Variants in TENM1 observed in about 807,000 individuals in gnomAD.
TENM1 encodes teneurin transmembrane protein 1.
TENM1 carries 35 observed loss-of-function variants against 174.8 expected under a neutral mutation model. That is an observed-to-expected ratio of 0.20 (90% CI 0.15 to 0.27). The LOEUF is 0.27. Among genes scored for constraint, TENM1 ranks in the 10% least tolerant of loss-of-function variants. The pLI is 1.00. For missense variants in TENM1, 1,633 were observed against 2,130.1 expected, an observed-to-expected ratio of 0.77 and a Z score of 4.59; for synonymous variants, 781 against 798.7, an observed-to-expected ratio of 0.98 and a Z score of 0.37.
At chrX:125,197,976 A>C in the TENM1 span, among the ~76,000 whole-genome samples, 1 of 112,120 alleles carries the variant, frequency 8.9e-6, no homozygotes, top group Non-Finnish European at 1.9e-5. Flanking sequence ...CCGGTATTGC[A>C]AAAGACTTGA....
intron 22 of TENM1, among the ~76,000 whole-genome samples, chrX:124,470,725 G>A (rs1329414433): frequency 7.3e-5 from 8 of 110,145 alleles, no homozygotes; most frequent in Admixed American, 4.9e-4. Flanking sequence ...CTTGACTTAC[G>A]GTATTGCCCC....
At chrX:125,047,642 T>C in the TENM1 span, among the ~76,000 whole-genome samples, 1 of 111,475 alleles carries the variant, frequency 9.0e-6, no homozygotes, top group Admixed American at 9.6e-5. Flanking sequence ...AAATTTTTTC[T>C]ACTCATTTTG....
At chrX:124,857,895 A>C (rs2056843522) in intron 3 of TENM1, among the ~76,000 whole-genome samples, 1 of 111,250 alleles carries the variant, frequency 9.0e-6, no homozygotes, top group African/African-American at 3.3e-5. Context: ...ATATAGAAGA[A>C]AATAAAGAAA....
chrX:125,185,950 T>A, the TENM1 span, among the ~76,000 whole-genome samples: 1 of 111,777 alleles, frequency 8.9e-6, no homozygotes, highest in Non-Finnish European at 1.9e-5. Context: ...AATTTCTTAA[T>A]TATAGAAGAG....
In TENM1 at chrX:124,830,043, G is replaced by A. The variant is rs112558968; in HGVS notation, c.535+64253C>T. Among the ~76,000 whole-genome samples, 520 of 111,862 alleles carry A rather than the reference G, an allele frequency of 4.6e-3. 3 individuals carry two copies. Among genetic ancestry groups the A allele is most frequent in the African/African-American group, 0.016 (487 of 30,800 alleles). ...CCCGGCTTAGTGTAAACTAAGAGTG[G>A]GCATGGGGAAATATAACATCTCCCA... On this transcript the variant is annotated intron_variant, in intron 3 of 31. Transcript: ENST00000422452.
chrX:124,465,542 G>T (rs943554726), intron 22 of TENM1, among the ~76,000 whole-genome samples: 22 of 111,686 alleles, frequency 2.0e-4, no homozygotes, highest in African/African-American at 7.2e-4. Flanking sequence ...CTGAGCCACC[G>T]TGCCCCATCT....
chrX:125,135,521 T>C, the TENM1 span, among the ~76,000 whole-genome samples: 1 of 112,071 alleles, frequency 8.9e-6, no homozygotes, highest in African/African-American at 3.2e-5. Flanking sequence ...TGAATATCAC[T>C]TTTACCGACA....
chrX:125,097,123 A>T, the TENM1 span, among the ~76,000 whole-genome samples: 20 of 111,165 alleles, frequency 1.8e-4, no homozygotes, highest in Non-Finnish European at 3.6e-4. Context: ...CCCTACCCTC[A>T]TGTTAGAAGG....
the TENM1 span, among the ~76,000 whole-genome samples, chrX:125,195,313 C>T: frequency 6.3e-5 from 7 of 111,780 alleles, no homozygotes; most frequent in Non-Finnish European, 9.4e-5. Context: ...TGCTAAATAT[C>T]TGGGACCAGT....
chrX:124,455,684 T>A (rs1228452376), intron 22 of TENM1, among the ~76,000 whole-genome samples: 1 of 111,298 alleles, frequency 9.0e-6, no homozygotes, highest in Non-Finnish European at 1.9e-5. Flanking sequence ...AATGTCACCA[T>A]GCTAGGCTCT....
At chrX:124,413,939 G>A (rs2060565086) in intron 25 of TENM1, among the ~76,000 whole-genome samples, 3 of 111,960 alleles carry the variant, frequency 2.7e-5, no homozygotes, top group Admixed American at 1.9e-4. Flanking sequence ...CAGAGACATG[G>A]CTTGTTTATC....
At chrX:124,751,001 AT>A (rs1383198665) in intron 3 of TENM1, among the ~76,000 whole-genome samples, 3 of 112,294 alleles carry the variant, frequency 2.7e-5, no homozygotes, top group African/African-American at 9.7e-5. Context: ...AGTAGCAAAT[AT>A]CTTCATTTCA....
chrX:124,826,822 T>C (rs1347783640), intron 3 of TENM1, among the ~76,000 whole-genome samples: 1 of 111,858 alleles, frequency 8.9e-6, no homozygotes, highest in Non-Finnish European at 1.9e-5. Context: ...TGACTTGACA[T>C]CAACAGTTTA....
At chrX:124,476,602 T>C (rs1363198034) in intron 22 of TENM1, among the ~76,000 whole-genome samples, 3 of 111,708 alleles carry the variant, frequency 2.7e-5, no homozygotes, top group Non-Finnish European at 5.6e-5. Context: ...GAGAACCAAA[T>C]TAAGTCACTG....
At chrX:124,830,969 T>C (rs2056276005) in intron 3 of TENM1, among the ~76,000 whole-genome samples, 1 of 111,645 alleles carries the variant, frequency 9.0e-6, no homozygotes, top group Admixed American at 9.6e-5. Flanking sequence ...CGTTTTTAGC[T>C]CCTGGGGGTA....
intron 28 of TENM1, among the ~76,000 whole-genome samples, chrX:124,386,477 G>A (rs1015797063): frequency 9.0e-6 from 1 of 111,159 alleles, no homozygotes; most frequent in African/African-American, 3.3e-5. Flanking sequence ...TAGGGAAAGA[G>A]TATTCTTGGC....
chrX:124,970,291 A>C, the TENM1 span, among the ~76,000 whole-genome samples: 1 of 111,145 alleles, frequency 9.0e-6, no homozygotes, highest in East Asian at 2.8e-4. Flanking sequence ...AAATAGTCTC[A>C]CTCCACCTCA....
At chrX:124,858,483 T>C (rs1282152183) in intron 3 of TENM1, among the ~76,000 whole-genome samples, 16 of 111,869 alleles carry the variant, frequency 1.4e-4, no homozygotes, top group Non-Finnish European at 2.8e-4. Context: ...ATCAAAGCCA[T>C]GGTGATTGGC....
intron 3 of TENM1, among the ~76,000 whole-genome samples, chrX:124,864,472 C>G (rs1234323291): frequency 8.9e-6 from 1 of 112,013 alleles, no homozygotes; most frequent in African/African-American, 3.2e-5. Context: ...AAGAATGTAT[C>G]AGAATCTAAC....
Sources: gnomAD v4.1 joint callset for allele counts (sites outside exome capture counted in the v4.1 genomes callset) on GRCh38, gnomAD v4.1.1 for gene constraint, MANE v1.5 for transcripts, NCBI Gene and HGNC (gene_info 2026-07-23, HGNC 2026-07-21) for gene names.